The following SIGLEC10 variants were observed in gnomAD, a reference collection of about 807,000 sequenced individuals.
SIGLEC10 encodes sialic acid binding Ig like lectin 10, also known as sialic acid-binding Ig-like lectin 10.
In SIGLEC10, 45 loss-of-function variants were observed where a neutral mutation model predicts 68.3. The observed-to-expected ratio is 0.66, with a 90% CI of 0.52 to 0.84. SIGLEC10 has a LOEUF of 0.84. Ranked by LOEUF, SIGLEC10 falls within the 40% of genes least tolerant of loss-of-function variation. The pLI is 0.00. For missense variants in SIGLEC10, 789 were observed against 883.1 expected (o/e 0.89, Z 1.35); for synonymous variants, 379 against 370.8 (o/e 1.02, Z -0.26).
Position 51,416,180 on chromosome 19 carries a change from G to GAAA in SIGLEC10, c.755-16_755-14dup. ...TGGGGCTCCAGGGCTGGAGTGGGAGGAAAAAAAAAAAAGAGAGAAAGGGAG... is the reference window on the plus strand; with the variant it reads ...TGGGGCTCCAGGGCTGGAGTGGGAGGAAAAAAAAAAAAAAAGAGAGAAAGGGAG... On this transcript the variant is annotated splice_polypyrimidine_tract_variant and intron_variant, in intron 4 of 10. Coordinates refer to ENST00000339313, the MANE Select transcript of SIGLEC10 (RefSeq NM_033130.5). 8 of 1,346,352 alleles carry GAAA rather than the reference G, an allele frequency of 5.9e-6. No homozygotes were observed. The highest frequency in any genetic ancestry group is 8.2e-6 in the Non-Finnish European group (8 of 977,310). 83.4% of individuals were successfully genotyped at this position (1,346,352 alleles called of 1,614,324 possible). A position where few individuals can be genotyped will look rare whatever the true frequency, so the allele number is the denominator to read the frequency against.
chr19:51,411,495 G>T, intron 10 of SIGLEC10, 124 bp from the exon 11 acceptor site: 1 of 1,240,500 alleles, frequency 8.1e-7, no homozygotes, highest in Non-Finnish European at 1.1e-6. Flanking sequence ...TGCTGAGCTT[G>T]CATTCCATCT....
intron 10 of SIGLEC10, among the ~76,000 whole-genome samples, chr19:51,412,132 A>C (rs1001698039): frequency 1.3e-5 from 2 of 152,118 alleles, no homozygotes; most frequent in African/African-American, 4.8e-5. Flanking sequence ...ACAACAGTGA[A>C]ATCCCATCTC....
chr19:51,414,611 G>T lies in SIGLEC10; in HGVS notation c.1616-96C>A, dbSNP rs75892481. The T allele has an allele frequency of 5.0e-6, 7 of 1,407,262 alleles. No individual in the cohort carries two copies. The highest frequency in any genetic ancestry group is 7.0e-6 in the Non-Finnish European group (7 of 1,004,862). The allele number at this position is 1,407,262 out of a possible 1,614,324, so 87.2% of individuals were successfully genotyped here. ...CATTAAGGCTTCCGGTTCCCATGGC[G>T]GACATTGTATCTGCAACCCCTCTGT... is the stretch of plus-strand genomic sequence containing the variant. On this transcript the variant is annotated intron_variant, in intron 8 of 10. Transcript: ENST00000339313. This position sits in a 1 kb window ranked among gnomAD's most constrained non-coding sequence, Gnocchi z 4.1.
chr19:51,416,197 G>C, intron 4 of SIGLEC10, 30 bp from the exon 5 acceptor site: 1 of 1,604,558 alleles, frequency 6.2e-7, no homozygotes, highest in Non-Finnish European at 8.5e-7. Flanking sequence ...AAAAAAGAGA[G>C]AAAGGGAGGG....
At position 51,416,186 on chromosome 19, in the gene SIGLEC10, A is replaced by T. The variant is rs1673317944; in HGVS notation, c.755-19T>A. ...TCCAGGGCTGGAGTGGGAGGAAAAA[A>T]AAAAAAGAGAGAAAGGGAGGGAGAA... On this transcript the variant is annotated intron_variant, in intron 4 of 10. Transcript: ENST00000339313. 2 of 1,603,972 alleles carry T rather than the reference A, an allele frequency of 1.2e-6. No homozygotes were observed. Among genetic ancestry groups the T allele is most frequent in the Non-Finnish European group, 1.7e-6 (2 of 1,177,030 alleles).
Position 51,411,030 on chromosome 19 carries a change from T to C in SIGLEC10, c.*69A>G, listed in dbSNP as rs1987951206. ...AGGGAGAGAAGGAAACTTTGCACTC[T>C]GTTATCTTCAACCTCTTACTCTACC... On this transcript the variant is annotated 3_prime_UTR_variant, in exon 11 of 11. Transcript: ENST00000339313. The C allele has an allele frequency of 2.6e-6, 4 of 1,522,136 alleles. No homozygotes were observed. The highest frequency in any genetic ancestry group is 2.8e-5 in the African/African-American group (2 of 71,768). 94.3% of individuals were successfully genotyped at this position (1,522,136 alleles called of 1,614,324 possible).
rs371498493 is a variant in SIGLEC10 at position 51,411,326 on chromosome 19, G to C, written c.1867C>G (p.Pro623Ala). 1.6e-5 allele frequency: 26 copies of C among 1,614,184 alleles called. No individual in the cohort carries two copies. Among genetic ancestry groups the C allele is most frequent in the Non-Finnish European group, 2.2e-5 (26 of 1,180,034 alleles). ...QKATPNSPRT[P>A]LPPGAPSPES... ...GGGGAGGGAGCACCTGGTGGAAGAGGGGTCCGAGGACTGTTTGGTGTGGCT... is the reference window on the plus strand; with the variant it reads ...GGGGAGGGAGCACCTGGTGGAAGAGCGGTCCGAGGACTGTTTGGTGTGGCT... Residue 623 changes from proline (P) to alanine (A), a missense_variant, in exon 11 of 11, where the codon CCT becomes GCT. Pro to Ala is a conservative substitution (Grantham distance 27). Transcript: ENST00000339313.
At chr19:51,415,853 C>G in intron 5 of SIGLEC10, 45 bp downstream of exon 5, 1 of 1,610,820 alleles carries the variant, frequency 6.2e-7, no homozygotes, top group Non-Finnish European at 8.5e-7. Context: ...CCCTGTATCC[C>G]TCTGCCCTCC....
Position 51,416,967 on chromosome 19 carries a change from G to C in SIGLEC10, c.422-17C>G. 6.2e-7 allele frequency: 1 copy of C among 1,600,276 alleles called. No homozygotes were observed. Among genetic ancestry groups the C allele is most frequent in the South Asian group, 1.1e-5 (1 of 89,412 alleles). On this transcript the variant is annotated splice_polypyrimidine_tract_variant and intron_variant, in intron 2 of 10. Coordinates refer to ENST00000339313, the MANE Select transcript of SIGLEC10 (RefSeq NM_033130.5). ...GAGTCAGGGCTGGGACAGAGACCGT[G>C]GTGGGAGATTCTTGTGCTGCAGGGG...
rs1988470616 is a variant in SIGLEC10, at chr19:51,415,173, C to G, written c.1330+8G>C. On this transcript the variant is annotated splice_region_variant and intron_variant, in intron 7 of 10. Coordinates refer to ENST00000339313, the MANE Select transcript of SIGLEC10 (RefSeq NM_033130.5). Reference sequence around the variant, plus strand: ...CTGGGACCCAGGTGTCCCCTTTCCCCCACTCACAGTGCACGGAGAGGCTGA... The same window carrying G: ...CTGGGACCCAGGTGTCCCCTTTCCCGCACTCACAGTGCACGGAGAGGCTGA... 6.3e-7 allele frequency: 1 copy of G among 1,595,320 alleles called. No homozygotes were observed. Among genetic ancestry groups the G allele is most frequent in the Non-Finnish European group, 8.5e-7 (1 of 1,170,586 alleles).
rs141425782 is a variant in SIGLEC10 at position 51,415,963 on chromosome 19, C to T, written c.959G>A (p.Arg320His). 1,315 of 1,613,654 alleles carry T rather than the reference C, an allele frequency of 8.1e-4. 10 individuals are homozygous for T. The East Asian group carries it at 9.3e-3, about 11-fold the overall frequency. ...LPGVKAGDSG[R>H]YTCRAENRLG... is the part of the protein sequence containing the mutation. ...CCTGTTCTCCGCTCGGCAGGTGTAGCGCCCTGAATCCCCAGCCTTCACCCC... is the reference window on the plus strand; with the variant it reads ...CCTGTTCTCCGCTCGGCAGGTGTAGTGCCCTGAATCCCCAGCCTTCACCCC... Residue 320 changes from arginine to histidine, a missense_variant, in exon 5 of 11, where the codon CGC (arginine) becomes CAC (histidine). Arg to His is a conservative substitution (Grantham distance 29, BLOSUM62 0). Transcript: ENST00000339313.
At position 51,412,352 on chromosome 19, in the gene SIGLEC10, T is replaced by G. The variant is rs1988097433; in HGVS notation, c.1822-981A>C. On this transcript the variant is annotated intron_variant, in intron 10 of 10. Transcript: ENST00000339313. The stretch of plus-strand genomic sequence containing the variant: ...TGGTTGTATTTTGAAGGGAATTTGC[T>G]GATGGATTGGTTGTGGGGTGACAGA... Among the ~76,000 whole-genome samples, 4 of 152,052 alleles carry G rather than the reference T, an allele frequency of 2.6e-5. No individual in the cohort carries two copies. The South Asian group carries it at 8.3e-4, about 32-fold the overall frequency.
At position 51,415,188 on chromosome 19, in the gene SIGLEC10, G is replaced by A. The variant is rs745816548; in HGVS notation, c.1323C>T (p.Ser441=). 8.1e-6 allele frequency: 13 copies of A among 1,605,962 alleles called. No individual in the cohort carries two copies. The highest frequency in any genetic ancestry group is 5.0e-5 in the Admixed American group (3 of 59,418). The change falls in exon 7 of 11, where the codon TCC becomes TCT. Residue 441 remains serine (S), a synonymous_variant. Transcript: ENST00000339313. The part of the protein sequence containing the change: ...LGSQHVSLSL[S]VHYSPKLLGP... Reference sequence around the variant, plus strand: ...CCCCTTTCCCCCACTCACAGTGCACGGAGAGGCTGAGAGAGACGTGCTGGG... The same window carrying A: ...CCCCTTTCCCCCACTCACAGTGCACAGAGAGGCTGAGAGAGACGTGCTGGG...
At position 51,414,171 on chromosome 19, in the gene SIGLEC10, C is replaced by A; in HGVS notation, c.1709+251G>T. The A allele has an allele frequency of 5.3e-6, 3 of 568,182 alleles. No homozygotes were observed. The highest frequency in any genetic ancestry group is 9.4e-6 in the Non-Finnish European group (3 of 317,988). 35.2% of individuals were successfully genotyped at this position (568,182 alleles called of 1,614,324 possible). A position where few individuals can be genotyped will look rare whatever the true frequency, so the allele number is the denominator to read the frequency against. Reference sequence around the variant, plus strand: ...GATCACAGGTTCATATTATTACTAACAAGCTTCAGCTGTGCCTAATTACAA... The same window carrying A: ...GATCACAGGTTCATATTATTACTAAAAAGCTTCAGCTGTGCCTAATTACAA... On this transcript the variant is annotated intron_variant, in intron 9 of 10. Transcript: ENST00000339313. The surrounding 1 kb of genome is among the most constrained non-coding windows in gnomAD (Gnocchi z 4.1).
At position 51,416,741 on chromosome 19, in the gene SIGLEC10, T is replaced by G. The variant is rs1599906547; in HGVS notation, c.631A>C (p.Thr211Pro). 6.2e-7 allele frequency: 1 copy of G among 1,614,094 alleles called. No individual in the cohort carries two copies. Among genetic ancestry groups the G allele is most frequent in the Non-Finnish European group, 8.5e-7 (1 of 1,180,008 alleles). Residue 211 changes from threonine to proline, a missense_variant, in exon 3 of 11, where the codon ACC becomes CCC. By Grantham distance (38) the Thr-to-Pro change is conservative. Transcript: ENST00000339313. ...SFTPRPQDHN[T>P]DLTCHVDFSR... ...AAGTCCACATGGCAGGTGAGGTCGGTGTTGTGGTCCTGGGGTCTGGGCGTG... is the reference window on the plus strand; with the variant it reads ...AAGTCCACATGGCAGGTGAGGTCGGGGTTGTGGTCCTGGGGTCTGGGCGTG...
Position 51,414,406 on chromosome 19 carries a change from C to A in SIGLEC10, c.1709+16G>T, listed in dbSNP as rs899325482. The A allele has an allele frequency of 6.2e-7, 1 of 1,610,260 alleles. No individual in the cohort carries two copies. Among genetic ancestry groups the A allele is most frequent in the Non-Finnish European group, 8.5e-7 (1 of 1,177,696 alleles). On this transcript the variant is annotated intron_variant, in intron 9 of 10. Transcript: ENST00000339313. The surrounding 1 kb of genome is among the most constrained non-coding windows in gnomAD (Gnocchi z 4.1). Reference sequence around the variant, plus strand: ...GGTCCAGGCCCCAGACCCCGCCACGCCTCCTCTTAACCTACATGATCAGGG... The same window carrying A: ...GGTCCAGGCCCCAGACCCCGCCACGACTCCTCTTAACCTACATGATCAGGG...
At position 51,410,029 on chromosome 19, in the gene SIGLEC10, A is replaced by C. The variant is rs143860290; in HGVS notation, c.*1070T>G. The C allele has an allele frequency of 6.6e-6, 1 of 152,208 alleles. No individual in the cohort carries two copies. Among genetic ancestry groups the C allele is most frequent in the Admixed American group, 6.5e-5 (1 of 15,270 alleles). 9.4% of individuals were successfully genotyped at this position (152,208 alleles called of 1,614,324 possible). On this transcript the variant is annotated 3_prime_UTR_variant, in exon 11 of 11. Coordinates refer to ENST00000339313, the MANE Select transcript of SIGLEC10 (RefSeq NM_033130.5). Reference sequence around the variant, plus strand: ...AATTCAAGACGAGGCGGTAAGGTGAAAGCAAGTTTATTAAGAAAGTAAAGG... The same window carrying C: ...AATTCAAGACGAGGCGGTAAGGTGACAGCAAGTTTATTAAGAAAGTAAAGG...
At chr19:51,415,707 G>A in intron 5 of SIGLEC10, 92 bp from the exon 6 acceptor site, 1 of 1,604,952 alleles carries the variant, frequency 6.2e-7, no homozygotes, top group Non-Finnish European at 8.5e-7. Flanking sequence ...GGGGGAAGTG[G>A]GTGGGATAGA....
rs1988242281 is a variant in SIGLEC10 at position 51,413,837 on chromosome 19, C to A, written c.1710-14G>T. The A allele has an allele frequency of 6.2e-7, 1 of 1,609,684 alleles. No individual in the cohort carries two copies. Among genetic ancestry groups the A allele is most frequent in the African/African-American group, 1.3e-5 (1 of 74,808 alleles). On this transcript the variant is annotated splice_polypyrimidine_tract_variant and intron_variant, in intron 9 of 10. Coordinates refer to ENST00000339313, the MANE Select transcript of SIGLEC10 (RefSeq NM_033130.5). ...AGAATCTTCATGCTGAGGAAATGAA[C>A]CCACCTGTTTGTGCCCTGCTGCACC...
Sources: gnomAD v4.1 joint callset for allele counts (sites outside exome capture counted in the v4.1 genomes callset) on GRCh38, gnomAD v4.1.1 for gene constraint, Gnocchi (gnomAD v3.1) non-coding constraint, MANE v1.5 for transcripts, NCBI Gene and HGNC (gene_info 2026-07-23, HGNC 2026-07-21) for gene names.